Variants in TGM1 observed in about 807,000 individuals in gnomAD.
The protein encoded by TGM1 is transglutaminase 1, also known as protein-glutamine gamma-glutamyltransferase K.
A neutral mutation model predicts 88.7 loss-of-function variants in TGM1; 63 were observed. That is an observed-to-expected ratio of 0.71 (90% CI 0.58 to 0.88). The LOEUF is 0.88. Among genes scored for constraint, TGM1 ranks in the 40% least tolerant of loss-of-function variants. TGM1 has a pLI of 0.00. For missense variants in TGM1, 996 were observed against 1,118.0 expected (o/e 0.89, Z 1.56); for synonymous variants, 415 against 431.1 (o/e 0.96, Z 0.46).
In TGM1 at chr14:24,263,148, G is replaced by C. The variant is rs1159000446; in HGVS notation, c.-62C>G. The C allele has an allele frequency of 1.3e-5, 2 of 153,020 alleles. No individual in the cohort carries two copies. The highest frequency in any genetic ancestry group is 2.4e-5 in the African/African-American group (1 of 41,474). 9.5% of individuals were successfully genotyped at this position (153,020 alleles called of 1,614,324 possible). On this transcript the variant is annotated 5_prime_UTR_variant, in exon 1 of 15. It adds an upstream start codon to the 5' untranslated region. Transcript: ENST00000206765. ...CTGGGGCTGAGATGGAACAGGTCAG[G>C]ATGGATGGGACAGGACCCACAGACT...
Position 24,254,197 on chromosome 14 carries a change from C to T in TGM1, c.2180G>A (p.Arg727Gln), listed in dbSNP as rs775373347. 1.4e-5 allele frequency: 23 copies of T among 1,613,632 alleles called. 1 individual carries two copies. Among genetic ancestry groups the T allele is most frequent in the Middle Eastern group, 1.6e-4 (1 of 6,084 alleles). Residue 727 changes from arginine (R) to glutamine (Q), a missense_variant, in exon 14 of 15, where the codon CGG becomes CAG. Arg to Gln is a conservative substitution (Grantham distance 43). Transcript: ENST00000206765. ...LPVTLTNVVF[R>Q]LEGSGLQRPK... Reference sequence around the variant, plus strand: ...CCTCTGTAACCCAGAGCCTTCGAGCCGGAAGACGACATTGGTGAGGGTGAC... The same window carrying T: ...CCTCTGTAACCCAGAGCCTTCGAGCTGGAAGACGACATTGGTGAGGGTGAC...
Position 24,249,137 on chromosome 14 carries a change from C to T in TGM1, c.*176G>A, listed in dbSNP as rs1224796560. On this transcript the variant is annotated 3_prime_UTR_variant, in exon 15 of 15. Coordinates refer to ENST00000206765, the MANE Select transcript of TGM1 (RefSeq NM_000359.3). ...GCTTCATTAAAAAACAGTTTATTAG[C>T]ATCTGTTCCCCCAGTGCAAGTGAAG... is the stretch of plus-strand genomic sequence containing the variant. The T allele has an allele frequency of 4.4e-6, 3 of 681,982 alleles. No homozygotes were observed. Among genetic ancestry groups the T allele is most frequent in the Non-Finnish European group, 7.9e-6 (3 of 379,104 alleles). 42.2% of individuals were successfully genotyped at this position (681,982 alleles called of 1,614,324 possible).
In TGM1 at chr14:24,259,603, T is replaced by TG; in HGVS notation, c.984+100dup. The TG allele has an allele frequency of 1.0e-6, 1 of 995,012 alleles. No individual in the cohort carries two copies. The highest frequency in any genetic ancestry group is 2.0e-5 in the Admixed American group (1 of 50,476). 61.6% of individuals were successfully genotyped at this position (995,012 alleles called of 1,614,324 possible). ...TCCTTTACGAGGGCAGGGACAGGGC[T>TG]GGGGGTTCTTGAGGAATCCAGAAAG... On this transcript the variant is annotated intron_variant, in intron 6 of 14. Transcript: ENST00000206765. This position sits in a 1 kb window ranked among gnomAD's most constrained non-coding sequence, Gnocchi z 5.7.
intron 9 of TGM1, among the ~76,000 whole-genome samples, chr14:24,257,120 C>G (rs937008712): frequency 6.6e-6 from 1 of 152,208 alleles, no homozygotes; most frequent in Non-Finnish European, 1.5e-5. Context: ...GATCTGCCAG[C>G]GTCTGGGACA....
In TGM1 at chr14:24,258,636, G is replaced by A; in HGVS notation, c.1197C>T (p.Thr399=). 6.2e-7 allele frequency: 1 copy of A among 1,614,246 alleles called. No homozygotes were observed. Among genetic ancestry groups the A allele is most frequent in the Non-Finnish European group, 8.5e-7 (1 of 1,180,046 alleles). ...RCLGLATRTV[T]NFNSAHDTDT... is the part of the protein sequence containing the mutation. ...CTGTGTCGTGGGCGGAGTTGAAGTT[G>A]GTGACAGTACGGGTGGCCAGACCCA... Residue 399 remains threonine, a synonymous_variant, in exon 8 of 15, where the codon ACC becomes ACT. Coordinates refer to ENST00000206765, the MANE Select transcript of TGM1 (RefSeq NM_000359.3).
Position 24,252,721 on chromosome 14 carries a change from G to A in TGM1, c.2225+1431C>T, listed in dbSNP as rs374416483. Among the ~76,000 whole-genome samples, 108 of 152,254 alleles carry A rather than the reference G, an allele frequency of 7.1e-4. 1 individual carries two copies. The South Asian group carries it at 0.012, about 17-fold the overall frequency. ...GCCACCACCAGGAGAGCTGCTGTGT[G>A]TGAGGGAGGGGTGGGCAAGTGGGCA... is the stretch of plus-strand genomic sequence containing the variant. On this transcript the variant is annotated intron_variant, in intron 14 of 14. Coordinates refer to ENST00000206765, the MANE Select transcript of TGM1 (RefSeq NM_000359.3).
At chr14:24,249,649 G>T in intron 14 of TGM1, 108 bp from the exon 15 acceptor site, 2 of 1,012,926 alleles carry the variant, frequency 2.0e-6, no homozygotes, top group Non-Finnish European at 3.0e-6. Context: ...GACCCATTCA[G>T]ACAATTCCAG....
intron 12 of TGM1, 56 bp downstream of exon 12, chr14:24,254,916 C>T: frequency 6.2e-7 from 1 of 1,612,940 alleles, no homozygotes; most frequent in Non-Finnish European, 8.5e-7. Context: ...TCTCCATGTC[C>T]ACAGCCCTGA....
chr14:24,253,488 G>A (rs1006221494), intron 14 of TGM1, among the ~76,000 whole-genome samples: 1 of 152,064 alleles, frequency 6.6e-6, no homozygotes, highest in Non-Finnish European at 1.5e-5. Flanking sequence ...GACAGAGAGA[G>A]AGAGAGACAC....
chr14:24,261,052 T>C (rs1246795770), intron 3 of TGM1, among the ~76,000 whole-genome samples: 3 of 152,166 alleles, frequency 2.0e-5, no homozygotes, highest in Non-Finnish European at 4.4e-5. Flanking sequence ...GCAGTCCTGA[T>C]CCTGAAGGCC....
In TGM1 at chr14:24,260,619, C is replaced by G. The variant is rs768452927; in HGVS notation, c.588G>C (p.Gln196His). ...GATTCTGCCCACTGGCCTTGACCAC[C>G]TGGGCTTTCCAGCCTCCACTGCCCC... ...GKGGSGGWKAQVVKASGQNLN... is the reference protein window; with the variant it reads ...GKGGSGGWKAHVVKASGQNLN... Residue 196 changes from glutamine to histidine, a missense_variant, in exon 4 of 15, where the codon CAG (glutamine) becomes CAC (histidine). Coordinates refer to ENST00000206765, the MANE Select transcript of TGM1 (RefSeq NM_000359.3). The G allele has an allele frequency of 1.2e-6, 2 of 1,614,084 alleles. No homozygotes were observed. Among genetic ancestry groups the G allele is most frequent in the Non-Finnish European group, 1.7e-6 (2 of 1,180,036 alleles).
intron 14 of TGM1, 100 bp from the exon 15 acceptor site, chr14:24,249,641 C>G: frequency 9.5e-7 from 1 of 1,056,792 alleles, no homozygotes; most frequent in East Asian, 2.6e-5. Flanking sequence ...AGGAGGTGGA[C>G]CCATTCAGAC....
chr14:24,258,398 C>T lies in TGM1; in HGVS notation c.1299-10G>A, dbSNP rs2040775606. 1 of 1,614,024 alleles carries T rather than the reference C, an allele frequency of 6.2e-7. No individual in the cohort carries two copies. Among genetic ancestry groups the T allele is most frequent in the Non-Finnish European group, 8.5e-7 (1 of 1,179,922 alleles). ...CCACACATGGAAGTTCCTGGATGGA[C>T]ATGGAGGAGGGGCTGGGTCTGAGCC... On this transcript the variant is annotated splice_polypyrimidine_tract_variant and intron_variant, in intron 8 of 14. Transcript: ENST00000206765.
At chr14:24,250,179 T>TGTGTGTGTGAGAGAGAGAGAGAGAGA (rs138497842) in intron 14 of TGM1, among the ~76,000 whole-genome samples, 14 of 140,700 alleles carry the variant, frequency 1.0e-4, no homozygotes, top group African/African-American at 3.0e-4. Context: ...TGTGTGTGTG[T>TGTGTGTGTGAGAGAGAGAGAGAGAGA]GAGAGAGACA....
chr14:24,258,366 A>G lies in TGM1; in HGVS notation c.1321T>C (p.Cys441Arg). The G allele has an allele frequency of 6.2e-7, 1 of 1,614,134 alleles. No individual in the cohort carries two copies. Among genetic ancestry groups the G allele is most frequent in the African/African-American group, 1.3e-5 (1 of 75,048 alleles). Residue 441 changes from cysteine (C) to arginine (R), a missense_variant, in exon 9 of 15, where the codon TGC (cysteine) becomes CGC (arginine). Coordinates refer to ENST00000206765, the MANE Select transcript of TGM1 (RefSeq NM_000359.3). ...GGCAGATCCGGCCTCTTCATCCAGCAGTCGTTCCACACATGGAAGTTCCTG... is the reference window on the plus strand; with the variant it reads ...GGCAGATCCGGCCTCTTCATCCAGCGGTCGTTCCACACATGGAAGTTCCTG... ...SVWNFHVWND[C>R]WMKRPDLPSG... is the part of the protein sequence containing the mutation.
intron 14 of TGM1, 124 bp from the exon 15 acceptor site, chr14:24,249,665 C>A: frequency 1.1e-6 from 1 of 913,718 alleles, no homozygotes. Flanking sequence ...TCCAGGCTTA[C>A]CTGAAATTTC....
At chr14:24,253,923 T>C (rs1301559445) in intron 14 of TGM1, among the ~76,000 whole-genome samples, 1 of 152,126 alleles carries the variant, frequency 6.6e-6, no homozygotes, top group Non-Finnish European at 1.5e-5. Flanking sequence ...CCTAATTAGA[T>C]AGTGAGGCAG....
chr14:24,262,729 G>A (rs2748513), intron 1 of TGM1, among the ~76,000 whole-genome samples: 2,608 of 152,280 alleles, frequency 0.017, 297 homozygotes, highest in Admixed American at 0.16. Context: ...GGCCTGGTCC[G>A]TCCACCTGCT....
At chr14:24,254,097 A>T in intron 14 of TGM1, 55 bp downstream of exon 14, 1 of 1,578,166 alleles carries the variant, frequency 6.3e-7, no homozygotes, top group South Asian at 1.2e-5. Flanking sequence ...GAGCCAGGGC[A>T]GCCTGTGGGG....
Sources: gnomAD v4.1 joint callset for allele counts (sites outside exome capture counted in the v4.1 genomes callset) on GRCh38, gnomAD v4.1.1 for gene constraint, Gnocchi (gnomAD v3.1) non-coding constraint, MANE v1.5 for transcripts, NCBI Gene and HGNC (gene_info 2026-07-23, HGNC 2026-07-21) for gene names.